CHL1: variants seen among roughly 807,000 people sequenced by gnomAD.
CHL1 encodes the protein neural cell adhesion molecule L1-like protein.
A neutral mutation model predicts 141.9 loss-of-function variants in CHL1; 96 were observed. The observed-to-expected ratio is 0.68, with a 90% CI of 0.57 to 0.80. CHL1 has a LOEUF of 0.80. Ranked by LOEUF, CHL1 falls within the 30% of genes least tolerant of loss-of-function variation. CHL1 has a pLI of 0.00. For missense variants in CHL1, 1,820 were observed against 1,457.2 expected (o/e 1.25, Z -4.05); for synonymous variants, 613 against 502.2 (o/e 1.22, Z -2.95).
intron 1 of CHL1, among the ~76,000 whole-genome samples, chr3:238,000 G>T (rs545337602): frequency 1.3e-5 from 2 of 152,194 alleles, no homozygotes; most frequent in East Asian, 1.9e-4. Flanking sequence ...CATTAACAAA[G>T]TATCGTATTT....
chr3:317,158 G>A lies in CHL1; in HGVS notation c.-94-2525G>A, dbSNP rs541555014. 3.9e-5 allele frequency among the ~76,000 whole-genome samples: 6 copies of A among 151,936 alleles called. No homozygotes were observed. In the South Asian group the frequency reaches 1.2e-3, roughly 31 times the overall value. ...GAAGCTAATTCCTGCAGGAGGTAAGGTCATATGTAGAATTAGTCATTATTC... is the reference window on the plus strand; with the variant it reads ...GAAGCTAATTCCTGCAGGAGGTAAGATCATATGTAGAATTAGTCATTATTC... On this transcript the variant is annotated intron_variant, in intron 2 of 27. Coordinates refer to ENST00000256509, the MANE Select transcript of CHL1 (RefSeq NM_006614.4).
chr3:373,817 C>T (rs144054235), intron 15 of CHL1: 1,811 of 152,358 alleles, frequency 0.012, 23 homozygotes, highest in Non-Finnish European at 0.014. Context: ...ATTCACTCAC[C>T]GCCTCCCTTG....
intron 2 of CHL1, among the ~76,000 whole-genome samples, chr3:286,472 A>G (rs931527805): frequency 6.6e-6 from 1 of 151,964 alleles, no homozygotes; most frequent in African/African-American, 2.4e-5. Flanking sequence ...TTAGCCAGGC[A>G]TGGTGACGCA....
intron 1 of CHL1, among the ~76,000 whole-genome samples, chr3:239,454 G>C (rs1434977149): frequency 6.6e-6 from 1 of 151,982 alleles, no homozygotes; most frequent in Non-Finnish European, 1.5e-5. Flanking sequence ...CACTGTGGTG[G>C]TAATGTGCTC....
intron 15 of CHL1, among the ~76,000 whole-genome samples, chr3:371,801 G>C (rs528203195): frequency 6.6e-6 from 1 of 152,092 alleles, no homozygotes; most frequent in African/African-American, 2.4e-5. Context: ...GGCAGGCCTG[G>C]TGGTAATGAA....
intron 2 of CHL1, among the ~76,000 whole-genome samples, chr3:266,386 C>G (rs1695151832): frequency 6.6e-6 from 1 of 152,090 alleles, no homozygotes; most frequent in African/African-American, 2.4e-5. Context: ...TTGGAAGCAA[C>G]CTGGTTAGAA....
chr3:393,647 T>G lies in CHL1; in HGVS notation c.2915-1046T>G, dbSNP rs555814668. 4.6e-5 allele frequency among the ~76,000 whole-genome samples: 7 copies of G among 152,256 alleles called. No homozygotes were observed. In the South Asian group the frequency reaches 1.4e-3, roughly 32 times the overall value. ...GGTAGTTTACCTTTTTCTTATTGCT[T>G]TTAGATATTTTAAATTGTTGCAATT... On this transcript the variant is annotated intron_variant, in intron 23 of 27. Transcript: ENST00000256509.
At chr3:352,114 A>T (rs767873045) in intron 10 of CHL1, among the ~76,000 whole-genome samples, 32 of 152,302 alleles carry the variant, frequency 2.1e-4, no homozygotes, top group Non-Finnish European at 4.1e-4. Flanking sequence ...CCATAGTATA[A>T]TCCAAAATGT....
chr3:286,972 T>A (rs553932370), intron 2 of CHL1, among the ~76,000 whole-genome samples: 1 of 152,214 alleles, frequency 6.6e-6, no homozygotes, highest in South Asian at 2.1e-4. Context: ...TTGGCCAGCT[T>A]CTTCACCGCC....
chr3:289,746 T>G (rs332450), intron 2 of CHL1, among the ~76,000 whole-genome samples: 85,412 of 150,898 alleles, frequency 0.57, 26,670 homozygotes, highest in African/African-American at 0.84. Flanking sequence ...AATACATATT[T>G]TATGCTCATT....
At chr3:202,654 T>A (rs1380292829) in intron 1 of CHL1, among the ~76,000 whole-genome samples, 1 of 152,178 alleles carries the variant, frequency 6.6e-6, no homozygotes, top group African/African-American at 2.4e-5. Flanking sequence ...GCGTACGCCG[T>A]CCACAAGATT....
chr3:306,948 G>C (rs535541681), intron 2 of CHL1, among the ~76,000 whole-genome samples: 162 of 152,286 alleles, frequency 1.1e-3, no homozygotes, highest in Non-Finnish European at 2.0e-3. Context: ...AGTACCAACT[G>C]TTGGAATTCG....
intron 11 of CHL1, among the ~76,000 whole-genome samples, chr3:357,954 C>T (rs921466750): frequency 6.6e-6 from 1 of 152,148 alleles, no homozygotes. Context: ...CAGTGCTTTG[C>T]AGCATTCCTA....
intron 2 of CHL1, among the ~76,000 whole-genome samples, chr3:264,916 T>G (rs919904698): frequency 6.6e-6 from 1 of 152,208 alleles, no homozygotes; most frequent in Non-Finnish European, 1.5e-5. Context: ...GCCTTTATTT[T>G]GAACACTAGG....
chr3:322,727 C>A (rs1229059662), intron 3 of CHL1, among the ~76,000 whole-genome samples: 2 of 145,290 alleles, frequency 1.4e-5, no homozygotes, highest in African/African-American at 5.1e-5. Context: ...ACCTGTAGTC[C>A]TAGCTACTTG....
intron 2 of CHL1, among the ~76,000 whole-genome samples, chr3:277,847 G>T (rs994993671): frequency 2.0e-5 from 3 of 152,320 alleles, no homozygotes; most frequent in Non-Finnish European, 4.4e-5. Flanking sequence ...ATTACATGAT[G>T]CAAATATTTT....
chr3:239,265 C>T (rs1417745223), intron 1 of CHL1, among the ~76,000 whole-genome samples: 5 of 152,218 alleles, frequency 3.3e-5, no homozygotes, highest in Non-Finnish European at 7.3e-5. Context: ...CATGTTAGTA[C>T]CATTCCTCCA....
At chr3:347,146 T>A (rs1382363249) in intron 9 of CHL1, among the ~76,000 whole-genome samples, 2 of 152,132 alleles carry the variant, frequency 1.3e-5, no homozygotes, top group African/African-American at 4.8e-5. Flanking sequence ...GATGGACTCA[T>A]GTGCACTGCT....
intron 11 of CHL1, among the ~76,000 whole-genome samples, chr3:359,251 T>A (rs994227946): frequency 6.6e-5 from 10 of 151,426 alleles, no homozygotes; most frequent in Non-Finnish European, 1.5e-4. Context: ...TCCAGTAGAG[T>A]TTTTGGTCCT....
Sources: gnomAD v4.1 joint callset for allele counts (sites outside exome capture counted in the v4.1 genomes callset) on GRCh38, gnomAD v4.1.1 for gene constraint, MANE v1.5 for transcripts, NCBI Gene and HGNC (gene_info 2026-07-23, HGNC 2026-07-21) for gene names.